NELFA: variants seen among roughly 807,000 people sequenced by gnomAD.
NELFA encodes the protein negative elongation factor A.
Under a neutral mutation model 51.8 loss-of-function variants are expected in NELFA, and 35 were observed. The ratio of observed to expected loss-of-function variants is 0.68; its 90% CI spans 0.52 to 0.90. The LOEUF (loss-of-function observed/expected upper bound fraction) is 0.90, where lower values mean the gene tolerates loss of function less well. NELFA is among the 40% of genes least tolerant of loss of function. The probability of loss-of-function intolerance (pLI) is 0.00; values close to 1 mark genes in which losing one functional copy is unlikely to be tolerated. For synonymous variants in NELFA, 417 were observed against 338.4 expected (o/e 1.23, Z -2.55); for missense variants, 658 against 746.4 (o/e 0.88, Z 1.38).
At chr4:1,986,500 C>T (rs1728103655) in intron 4 of NELFA, 98 bp from the exon 5 acceptor site, 2 of 1,568,798 alleles carry the variant, frequency 1.3e-6, no homozygotes, top group East Asian at 4.7e-5. Flanking sequence ...GCTAGCGCCG[C>T]AGAGGGGAAG....
In NELFA at chr4:1,984,094, G is replaced by A. The variant is rs1361563082; in HGVS notation, c.1056C>T (p.Ala352=). 3.2e-6 allele frequency: 5 copies of A among 1,575,062 alleles called. No individual in the cohort carries two copies. Among genetic ancestry groups the A allele is most frequent in the East Asian group, 4.5e-5 (2 of 44,406 alleles). Reference sequence around the variant, plus strand: ...CGCTGGGCTCCTCTGGTGGGCGGCTGGCTTCCCGGGAAGATGGGGCTGCAA... The same window carrying A: ...CGCTGGGCTCCTCTGGTGGGCGGCTAGCTTCCCGGGAAGATGGGGCTGCAA... ...ETPPAPSSRE[A]SRPPEEPSAP... is the part of the protein sequence containing the mutation. The change falls in exon 9 of 11, where the codon GCC becomes GCT. Residue 352 remains alanine, a synonymous_variant. Transcript: ENST00000382882.
rs912799332 is a variant in NELFA, at chr4:2,008,832, A to T, written c.128T>A (p.Leu43His). 6.2e-7 allele frequency: 1 copy of T among 1,609,964 alleles called. No homozygotes were observed. Among genetic ancestry groups the T allele is most frequent in the African/African-American group, 1.3e-5 (1 of 74,856 alleles). Residue 43 changes from leucine to histidine, a missense_variant, in exon 1 of 11, where the codon CTC becomes CAC. Leu to His is a moderately conservative substitution (Grantham distance 99, BLOSUM62 -3). Coordinates refer to ENST00000382882, the MANE Select transcript of NELFA (RefSeq NM_005663.5). ...LTAAVIDNIR[L>H]CFHGLSSAVK... ...TGCCGACGAGAGGCCATGGAAGCAG[A>T]GACGGATGTTGTCGATGACCGCGGC...
At chr4:2,003,022 T>TA (rs1322525581) in intron 1 of NELFA, among the ~76,000 whole-genome samples, 1 of 152,092 alleles carries the variant, frequency 6.6e-6, no homozygotes, top group Non-Finnish European at 1.5e-5. Context: ...ACAAGGAACT[T>TA]AAACATATTT....
In NELFA at chr4:1,987,993, G is replaced by C. The variant is rs1334893084; in HGVS notation, c.559C>G (p.Gln187Glu). ...ACCCCGGCGCTCCGCTTCAACTGCT[G>C]GGCGGTCTCCGTGGCTGGAAGGAAG... The part of the protein sequence containing the change: ...ELLQKSTETA[Q>E]QLKRSAGVPF... The change falls in exon 4 of 11, where the codon CAG becomes GAG. Residue 187 changes from glutamine (Q) to glutamate (E), a missense_variant. By Grantham distance (29) the Gln-to-Glu change is conservative. Around this residue, in one of 3 missense-constraint regions of NELFA, gnomAD observed 371 missense variants for 448.3 expected, o/e 0.83. Coordinates refer to ENST00000382882, the MANE Select transcript of NELFA (RefSeq NM_005663.5). 1 of 1,610,730 alleles carries C rather than the reference G, an allele frequency of 6.2e-7. No homozygotes were observed. Among genetic ancestry groups the C allele is most frequent in the Non-Finnish European group, 8.5e-7 (1 of 1,179,744 alleles).
At chr4:2,008,083 A>C (rs778210541) in intron 1 of NELFA, 1 of 455,738 alleles carries the variant, frequency 2.2e-6, no homozygotes. Context: ...CAGTCAGCGG[A>C]CACTGGAGCT....
chr4:1,983,428 T>TCCG lies in NELFA; in HGVS notation c.1475_1477dup (p.Ala492dup). ...CAGCATGGTTGTGCTACCCTGGCCGTCCGCCTTGGGCAGGTCCTCCGTGTG... is the reference window on the plus strand; with the variant it reads ...CAGCATGGTTGTGCTACCCTGGCCGTCCGCCGCCTTGGGCAGGTCCTCCGTGTG... On this transcript the variant is annotated inframe_insertion, in exon 11 of 11. Transcript: ENST00000382882. The TCCG allele has an allele frequency of 3.1e-6, 5 of 1,614,196 alleles. No individual in the cohort carries two copies. Among genetic ancestry groups the TCCG allele is most frequent in the Non-Finnish European group, 4.2e-6 (5 of 1,180,020 alleles).
rs1479080313 is a variant in NELFA at position 1,982,825 on chromosome 4, C to T, written c.*494G>A. The T allele has an allele frequency of 6.5e-6, 1 of 153,546 alleles. No homozygotes were observed. The allele number at this position is 153,546 out of a possible 1,614,324, so 9.5% of individuals were successfully genotyped here. ...TCCACAACTATACAAAAGATGAATA[C>T]AAAACTCCCAGGCAGGCACAGGCAG... On this transcript the variant is annotated 3_prime_UTR_variant, in exon 11 of 11. Transcript: ENST00000382882.
intron 1 of NELFA, among the ~76,000 whole-genome samples, chr4:1,999,059 A>C (rs1301190292): frequency 6.6e-6 from 1 of 152,158 alleles, no homozygotes; most frequent in African/African-American, 2.4e-5. Context: ...AAGCTTCATA[A>C]GTGAAGGAGA....
chr4:1,995,416 G>C (rs1728395027), intron 1 of NELFA, among the ~76,000 whole-genome samples: 3 of 152,090 alleles, frequency 2.0e-5, no homozygotes, highest in African/African-American at 7.2e-5. Flanking sequence ...TTTTCAGAAT[G>C]ATATCCCTAA....
At chr4:1,996,885 T>C (rs1212016709) in intron 1 of NELFA, among the ~76,000 whole-genome samples, 1 of 152,138 alleles carries the variant, frequency 6.6e-6, no homozygotes, top group African/African-American at 2.4e-5. Context: ...TGAGCCAAGA[T>C]TGCACCATTG....
intron 1 of NELFA, among the ~76,000 whole-genome samples, chr4:1,997,128 A>C (rs1394055360): frequency 1.3e-5 from 2 of 152,114 alleles, no homozygotes; most frequent in South Asian, 2.1e-4. Flanking sequence ...AACAAAAAAA[A>C]CAAAACCCAT....
chr4:2,007,681 T>C (rs144901233), intron 1 of NELFA, among the ~76,000 whole-genome samples: 1 of 152,102 alleles, frequency 6.6e-6, no homozygotes, highest in South Asian at 2.1e-4. Context: ...TGATTACCAG[T>C]GGGAGGCTTC....
intron 4 of NELFA, among the ~76,000 whole-genome samples, chr4:1,987,211 G>A (rs997868138): frequency 1.3e-5 from 2 of 152,188 alleles, no homozygotes; most frequent in East Asian, 1.9e-4. Flanking sequence ...CATGGAGAGC[G>A]CCTGTAAGGC....
Position 1,986,207 on chromosome 4 carries a change from C to T in NELFA, c.766-24G>A, listed in dbSNP as rs766835829. Reference sequence around the variant, plus strand: ...AGCTGCCAAGACAAGCACAGCCCTGCCTTAGTGACGGCACCAGGGCGCAAC... The same window carrying T: ...AGCTGCCAAGACAAGCACAGCCCTGTCTTAGTGACGGCACCAGGGCGCAAC... On this transcript the variant is annotated intron_variant, in intron 5 of 10. Transcript: ENST00000382882. 7.7e-6 allele frequency: 12 copies of T among 1,560,640 alleles called. No homozygotes were observed. The East Asian group carries it at 2.9e-4, about 37-fold the overall frequency.
intron 1 of NELFA, among the ~76,000 whole-genome samples, chr4:2,006,293 C>A (rs895655985): frequency 6.6e-5 from 10 of 152,216 alleles, no homozygotes; most frequent in African/African-American, 2.4e-4. Context: ...CCCTGCTTCA[C>A]ACAATCATCA....
intron 1 of NELFA, among the ~76,000 whole-genome samples, chr4:1,995,479 T>TAC (rs1728397078): frequency 6.6e-6 from 1 of 152,214 alleles, no homozygotes; most frequent in African/African-American, 2.4e-5. Context: ...AATTAGAATG[T>TAC]CTTATAAACC....
chr4:2,007,119 A>G, intron 1 of NELFA: 1 of 432,446 alleles, frequency 2.3e-6, no homozygotes, highest in Non-Finnish European at 4.7e-6. Flanking sequence ...CTGAGATGGG[A>G]AGATCTGAGG....
chr4:1,986,092 A>G, intron 6 of NELFA, 22 bp downstream of exon 6: 1 of 1,546,490 alleles, frequency 6.5e-7, no homozygotes, highest in Non-Finnish European at 8.7e-7. Flanking sequence ...ATTGCCGCCG[A>G]CACGCAGGCC....
At chr4:2,000,862 C>T (rs1350355679) in intron 1 of NELFA, among the ~76,000 whole-genome samples, 1 of 152,190 alleles carries the variant, frequency 6.6e-6, no homozygotes, top group Non-Finnish European at 1.5e-5. Flanking sequence ...TTCAGGCCAA[C>T]ATCCCTGATG....
Sources: gnomAD v4.1 joint callset for allele counts (sites outside exome capture counted in the v4.1 genomes callset) on GRCh38, gnomAD v4.1.1 for gene constraint, gnomAD v4.1.1 regional missense constraint, MANE v1.5 for transcripts, NCBI Gene and HGNC (gene_info 2026-07-23, HGNC 2026-07-21) for gene names.